The following KCNIP4 variants were observed in gnomAD, a reference collection of about 807,000 sequenced individuals.
KCNIP4 encodes the protein Kv channel-interacting protein 4.
Under a neutral mutation model 34.0 loss-of-function variants are expected in KCNIP4, and 12 were observed. The ratio of observed to expected loss-of-function variants is 0.35; its 90% CI spans 0.23 to 0.57. The LOEUF (loss-of-function observed/expected upper bound fraction) is 0.57, where lower values mean the gene tolerates loss of function less well. KCNIP4 is among the 20% of genes least tolerant of loss of function. The pLI, the probability that KCNIP4 is intolerant of heterozygous loss-of-function variation, is 0.83. For missense variants in KCNIP4, 238 were observed against 311.7 expected (o/e 0.76, Z 1.78); for synonymous variants, 124 against 102.2 (o/e 1.21, Z -1.29).
chr4:21,279,081 G>A (rs1477563653), intron 1 of KCNIP4, among the ~76,000 whole-genome samples: 2 of 152,162 alleles, frequency 1.3e-5, no homozygotes, highest in African/African-American at 2.4e-5. Flanking sequence ...ACTCAAGGAC[G>A]ATGAGTAAGA....
At chr4:21,568,211 C>T (rs567670702) in intron 1 of KCNIP4, among the ~76,000 whole-genome samples, 59 of 152,222 alleles carry the variant, frequency 3.9e-4, no homozygotes, top group African/African-American at 1.3e-3. Context: ...CTAATCCCTA[C>T]CACCTCAGAA....
At chr4:20,824,917 T>G (rs1408455382) in intron 3 of KCNIP4, among the ~76,000 whole-genome samples, 15 of 152,206 alleles carry the variant, frequency 9.9e-5, no homozygotes, top group African/African-American at 3.6e-4. Context: ...TATTATCTTT[T>G]ACCCTAAATG....
In KCNIP4 at chr4:20,869,703, T is replaced by C. The variant is rs141586293; in HGVS notation, c.163+12905A>G. 8.5e-5 allele frequency among the ~76,000 whole-genome samples: 13 copies of C among 152,272 alleles called. No individual in the cohort carries two copies. The East Asian group carries it at 1.9e-3, about 23-fold the overall frequency. On this transcript the variant is annotated intron_variant, in intron 2 of 8. Coordinates refer to ENST00000382152, the MANE Select transcript of KCNIP4 (RefSeq NM_025221.6). ...AATTTCTTAAAGTTGTTTTAAGAGA[T>C]TGAATTACTGGCAGGCAGTAATAAT...
chr4:21,376,856 G>T (rs191735290), intron 1 of KCNIP4, among the ~76,000 whole-genome samples: 1 of 152,310 alleles, frequency 6.6e-6, no homozygotes, highest in Non-Finnish European at 1.5e-5. Flanking sequence ...CAGTGCCAGA[G>T]AATCAGTTAA....
intron 1 of KCNIP4, among the ~76,000 whole-genome samples, chr4:21,016,276 C>G (rs1014446788): frequency 6.6e-6 from 1 of 150,392 alleles, no homozygotes; most frequent in Admixed American, 6.7e-5. Flanking sequence ...ATGCTGTAAG[C>G]TTTATTTCTT....
In KCNIP4 at chr4:21,926,337, T is replaced by C. The variant is rs147451934; in HGVS notation, c.61+22234A>G. On this transcript the variant is annotated intron_variant, in intron 1 of 8. Transcript: ENST00000382152. ...AGCTTAAATGAGACCACAACAAGCC[T>C]ACCTCCCATTACTACAAATTAAACT... 1.9e-3 allele frequency among the ~76,000 whole-genome samples: 295 copies of C among 152,304 alleles called. 2 individuals carry two copies. Among genetic ancestry groups the C allele is most frequent in the Middle Eastern group, 6.8e-3 (2 of 294 alleles).
intron 1 of KCNIP4, among the ~76,000 whole-genome samples, chr4:20,935,308 G>T (rs370659293): frequency 3.3e-5 from 5 of 152,184 alleles, no homozygotes; most frequent in South Asian, 2.1e-4. Context: ...TAGCTCATAG[G>T]CATTTCAAAC....
At chr4:21,388,505 G>C (rs1289646304) in intron 1 of KCNIP4, among the ~76,000 whole-genome samples, 9 of 151,748 alleles carry the variant, frequency 5.9e-5, no homozygotes, top group Admixed American at 5.9e-4. Context: ...GTTTTATTGG[G>C]GTATAATCAA....
intron 1 of KCNIP4, among the ~76,000 whole-genome samples, chr4:21,034,135 T>C (rs190020029): frequency 5.9e-5 from 9 of 152,184 alleles, no homozygotes; most frequent in Admixed American, 1.3e-4. Context: ...ACCTAAGCAG[T>C]TGGCAGAGGA....
At chr4:20,917,052 A>T (rs1370913527) in intron 1 of KCNIP4, among the ~76,000 whole-genome samples, 15 of 105,142 alleles carry the variant, frequency 1.4e-4, no homozygotes, top group African/African-American at 4.7e-4. Context: ...TATATATATA[A>T]AATTGAGATG....
chr4:21,572,616 C>T (rs1740444052), intron 1 of KCNIP4, among the ~76,000 whole-genome samples: 1 of 151,908 alleles, frequency 6.6e-6, no homozygotes, highest in African/African-American at 2.4e-5. Context: ...ATGCATGGAT[C>T]CACAAAGATC....
chr4:21,218,340 G>T (rs1315468995), intron 1 of KCNIP4, among the ~76,000 whole-genome samples: 2 of 151,558 alleles, frequency 1.3e-5, no homozygotes, highest in African/African-American at 2.4e-5. Context: ...ATTTATATTT[G>T]GTGTGCTTTC....
At chr4:20,863,249 G>A (rs773891856) in intron 2 of KCNIP4, among the ~76,000 whole-genome samples, 4 of 152,080 alleles carry the variant, frequency 2.6e-5, no homozygotes, top group African/African-American at 7.2e-5. Flanking sequence ...GTGCTGATTC[G>A]TCAGTTTGGA....
intron 1 of KCNIP4, among the ~76,000 whole-genome samples, chr4:21,414,932 T>C (rs1231583213): frequency 1.3e-5 from 2 of 152,134 alleles, no homozygotes; most frequent in African/African-American, 4.8e-5. Context: ...TCCTCAAGCA[T>C]TCATCATTTC....
In KCNIP4 at chr4:21,833,825, C is replaced by T. The variant is rs1191333995; in HGVS notation, c.61+114746G>A. Among the ~76,000 whole-genome samples, 20 of 152,258 alleles carry T rather than the reference C, an allele frequency of 1.3e-4. No homozygotes were observed. In the South Asian group the frequency reaches 3.7e-3, roughly 28 times the overall value. The stretch of plus-strand genomic sequence containing the variant: ...TCCTACATATGGCTAGCCAGTTTTC[C>T]CAGCACCATTTATTAAATAGGGAAT... On this transcript the variant is annotated intron_variant, in intron 1 of 8. Transcript: ENST00000382152.
chr4:20,733,366 C>A (rs1464073452), intron 6 of KCNIP4, among the ~76,000 whole-genome samples: 1 of 152,086 alleles, frequency 6.6e-6, no homozygotes, highest in African/African-American at 2.4e-5. Flanking sequence ...CTAAAACAGT[C>A]TAATTTTTGC....
chr4:21,773,059 C>A (rs964027864), intron 1 of KCNIP4, among the ~76,000 whole-genome samples: 2 of 152,166 alleles, frequency 1.3e-5, no homozygotes, highest in East Asian at 3.9e-4. Context: ...GTGTTTAGTG[C>A]TGTAAATTTC....
At chr4:21,602,383 T>C (rs1048866036) in intron 1 of KCNIP4, among the ~76,000 whole-genome samples, 1 of 152,130 alleles carries the variant, frequency 6.6e-6, no homozygotes, top group East Asian at 1.9e-4. Context: ...CCAGGGGCAG[T>C]AGATACTCAA....
At chr4:21,495,787 A>G (rs1218340684) in intron 1 of KCNIP4, among the ~76,000 whole-genome samples, 1 of 152,214 alleles carries the variant, frequency 6.6e-6, no homozygotes, top group Non-Finnish European at 1.5e-5. Context: ...AGTAAGACAG[A>G]GTCAGAGAAA....
Sources: gnomAD v4.1 joint callset for allele counts (sites outside exome capture counted in the v4.1 genomes callset) on GRCh38, gnomAD v4.1.1 for gene constraint, MANE v1.5 for transcripts, NCBI Gene and HGNC (gene_info 2026-07-23, HGNC 2026-07-21) for gene names.